Variants in TSPAN18 observed in about 807,000 individuals in gnomAD.
TSPAN18 encodes the protein tetraspanin 18.
TSPAN18 carries 14 observed loss-of-function variants against 27.3 expected under a neutral mutation model. The observed-to-expected ratio is 0.51, with a 90% CI of 0.34 to 0.80. The LOEUF (loss-of-function observed/expected upper bound fraction) is 0.80. Among genes scored for constraint, TSPAN18 ranks in the 30% least tolerant of loss-of-function variants. The pLI, the probability that TSPAN18 is intolerant of heterozygous loss-of-function variation, is 0.01. For missense variants in TSPAN18, 268 were observed against 323.9 expected (o/e 0.83, Z 1.32); for synonymous variants, 143 against 136.5 (o/e 1.05, Z -0.33).
intron 3 of TSPAN18, among the ~76,000 whole-genome samples, chr11:44,864,865 C>T (rs1029749801): frequency 3.3e-5 from 5 of 152,194 alleles, no homozygotes; most frequent in Non-Finnish European, 7.3e-5. Context: ...TCCAGTCTGC[C>T]CCTGTGTTTG....
chr11:44,791,337 C>T (rs1856215601), intron 2 of TSPAN18, among the ~76,000 whole-genome samples: 1 of 152,142 alleles, frequency 6.6e-6, no homozygotes, highest in Admixed American at 6.5e-5. Flanking sequence ...GGGAGATATG[C>T]CTGAAGTGCA....
chr11:44,929,019 G>A lies in TSPAN18; in HGVS notation c.700-112G>A, dbSNP rs1192967793. The A allele has an allele frequency of 4.5e-6, 6 of 1,340,020 alleles. No homozygotes were observed. The East Asian group carries it at 1.1e-4, about 26-fold the overall frequency. The allele number at this position is 1,340,020 out of a possible 1,614,324, so 83.0% of individuals were successfully genotyped here. A position where few individuals can be genotyped will look rare whatever the true frequency, so the allele number is the denominator to read the frequency against. On this transcript the variant is annotated intron_variant, in intron 9 of 9. Transcript: ENST00000520358. ...GGGAATGTCAGGAATCCTTAGGGGA[G>A]GAGTGTGCTAAGAGTGACAGGCATT...
intron 2 of TSPAN18, among the ~76,000 whole-genome samples, chr11:44,781,161 C>T (rs1855930068): frequency 6.6e-6 from 1 of 152,106 alleles, no homozygotes; most frequent in African/African-American, 2.4e-5. Context: ...CAGTCTCTCC[C>T]CATGTGTAGA....
intron 5 of TSPAN18, among the ~76,000 whole-genome samples, chr11:44,916,908 C>T (rs1859931752): frequency 6.6e-6 from 1 of 152,228 alleles, no homozygotes; most frequent in South Asian, 2.1e-4. Context: ...ACCAGCTATG[C>T]TGAGTAATGA....
intron 2 of TSPAN18, among the ~76,000 whole-genome samples, chr11:44,809,586 G>C (rs961871024): frequency 3.3e-5 from 5 of 152,222 alleles, no homozygotes; most frequent in Non-Finnish European, 7.3e-5. Context: ...CATTAGTACA[G>C]AGCTGAGGTG....
At chr11:44,748,750 CA>C (rs372413220) in intron 1 of TSPAN18, among the ~76,000 whole-genome samples, 248 of 152,266 alleles carry the variant, frequency 1.6e-3, no homozygotes, top group African/African-American at 5.7e-3. Context: ...GAAACAGAGG[CA>C]GCGGTCAAGT....
At chr11:44,861,462 CGGTCGGTGCTGGGCGGGG>C (rs1301875015) in intron 3 of TSPAN18, among the ~76,000 whole-genome samples, 1 of 9,056 alleles carries the variant, frequency 1.1e-4, no homozygotes, top group East Asian at 3.1e-3. Context: ...GGGGTGGGGG[CGGTCGGTGCTGGGCGGGG>C]GGTCGGTGGT....
intron 1 of TSPAN18, among the ~76,000 whole-genome samples, chr11:44,738,703 G>A (rs1006967081): frequency 6.6e-6 from 1 of 152,136 alleles, no homozygotes; most frequent in African/African-American, 2.4e-5. Context: ...AGTCAGATTG[G>A]ATTAGGACCC....
Position 44,932,385 on chromosome 11 carries a change from A to C in TSPAN18, c.*3207A>C, listed in dbSNP as rs919738104. 1.3e-5 allele frequency: 2 copies of C among 152,254 alleles called. No individual in the cohort carries two copies. The highest frequency in any genetic ancestry group is 2.9e-5 in the Non-Finnish European group (2 of 68,052). The allele number at this position is 152,254 out of a possible 1,614,324, so 9.4% of individuals were successfully genotyped here. On this transcript the variant is annotated 3_prime_UTR_variant, in exon 10 of 10. Transcript: ENST00000520358. Reference sequence around the variant, plus strand: ...ACTGGTTTTTGTGAATGTTTCTTACAAAAAGAAAAAGGAACAAAGAATAAA... The same window carrying C: ...ACTGGTTTTTGTGAATGTTTCTTACCAAAAGAAAAAGGAACAAAGAATAAA...
At chr11:44,845,842 C>A (rs2135176163) in intron 2 of TSPAN18, among the ~76,000 whole-genome samples, 1 of 152,322 alleles carries the variant, frequency 6.6e-6, no homozygotes. Context: ...ACCACCTGTG[C>A]TATTTCCACC....
At chr11:44,758,475 A>C (rs965003740) in intron 1 of TSPAN18, among the ~76,000 whole-genome samples, 1 of 152,148 alleles carries the variant, frequency 6.6e-6, no homozygotes, top group Non-Finnish European at 1.5e-5. Context: ...GGATTTTTGC[A>C]TTAGTGCTCA....
chr11:44,767,329 C>T (rs1855590053), intron 2 of TSPAN18, among the ~76,000 whole-genome samples: 1 of 152,186 alleles, frequency 6.6e-6, no homozygotes, highest in African/African-American at 2.4e-5. Context: ...CATTAATAAG[C>T]TATTTAAATG....
chr11:44,745,815 C>T (rs1855059840), intron 1 of TSPAN18, among the ~76,000 whole-genome samples: 1 of 152,178 alleles, frequency 6.6e-6, no homozygotes, highest in African/African-American at 2.4e-5. Context: ...ATCACGAGGT[C>T]AGGAGATCGA....
At chr11:44,741,442 C>T (rs887898586) in intron 1 of TSPAN18, among the ~76,000 whole-genome samples, 1 of 125,502 alleles carries the variant, frequency 8.0e-6, no homozygotes. Context: ...CTGTCTCAGA[C>T]ATGTATGTGT....
At chr11:44,908,756 G>C (rs3051386) in intron 4 of TSPAN18, among the ~76,000 whole-genome samples, 1 of 30,526 alleles carries the variant, frequency 3.3e-5, no homozygotes, top group Admixed American at 4.3e-4. Context: ...GAGAGAGAGA[G>C]AGAGAGAGAA....
intron 3 of TSPAN18, among the ~76,000 whole-genome samples, chr11:44,875,784 T>C (rs11606653): frequency 0.99 from 150,632 of 152,356 alleles, 74,500 homozygotes; most frequent in East Asian, 1. Context: ...CTTTCTAAAG[T>C]GTGCTTAGGA....
intron 2 of TSPAN18, among the ~76,000 whole-genome samples, chr11:44,815,303 C>G (rs753970848): frequency 6.6e-6 from 1 of 152,188 alleles, no homozygotes; most frequent in Non-Finnish European, 1.5e-5. Context: ...CATCTTGTGT[C>G]GAAACAAGGG....
chr11:44,729,964 CG>C (rs1554975804), intron 1 of TSPAN18, among the ~76,000 whole-genome samples: 9 of 152,062 alleles, frequency 5.9e-5, no homozygotes, highest in Non-Finnish European at 1.5e-5. Context: ...CTGCTTCCTC[CG>C]TCTGTAAAAT....
chr11:44,834,245 C>G (rs956533377), intron 2 of TSPAN18, among the ~76,000 whole-genome samples: 1 of 152,070 alleles, frequency 6.6e-6, no homozygotes, highest in Admixed American at 6.5e-5. Flanking sequence ...GCCTGCACCT[C>G]GGGCACCTCT....
Sources: allele counts gnomAD v4.1 joint callset (sites outside exome capture counted in the v4.1 genomes callset), GRCh38; gene constraint gnomAD v4.1.1; transcripts MANE v1.5; gene names NCBI Gene and HGNC (gene_info 2026-07-23, HGNC 2026-07-21).